Variants in SCG3 observed in about 807,000 individuals in gnomAD.
The protein encoded by SCG3 is secretogranin-3.
A neutral mutation model predicts 56.2 loss-of-function variants in SCG3; 38 were observed. That is an observed-to-expected ratio of 0.68 (90% CI 0.52 to 0.89). The LOEUF (loss-of-function observed/expected upper bound fraction) is 0.89, where lower values mean the gene tolerates loss of function less well. Among genes scored for constraint, SCG3 ranks in the 40% least tolerant of loss-of-function variants. The probability of loss-of-function intolerance (pLI) is 0.00; values close to 1 mark genes in which losing one functional copy is unlikely to be tolerated. For missense variants in SCG3, 524 were observed against 540.7 expected (o/e 0.97, Z 0.31); for synonymous variants, 176 against 184.2 (o/e 0.96, Z 0.36).
intron 11 of SCG3, among the ~76,000 whole-genome samples, chr15:51,717,799 T>C (rs1254786818): frequency 6.6e-6 from 1 of 152,198 alleles, no homozygotes; most frequent in Non-Finnish European, 1.5e-5. Context: ...CCCTGTCCTC[T>C]TGGGCCTTTC....
At chr15:51,712,632 T>G (rs1398936911) in intron 10 of SCG3, among the ~76,000 whole-genome samples, 2 of 152,168 alleles carry the variant, frequency 1.3e-5, no homozygotes, top group Admixed American at 6.5e-5. Context: ...GATGGTAATA[T>G]CCGCTTGCAG....
intron 11 of SCG3, among the ~76,000 whole-genome samples, chr15:51,718,541 C>A (rs1190135321): frequency 6.6e-6 from 1 of 152,140 alleles, no homozygotes; most frequent in Non-Finnish European, 1.5e-5. Context: ...TACCCACTCT[C>A]TCCTTTCTCT....
chr15:51,699,257 C>T (rs2622774), intron 8 of SCG3, 62 bp from the exon 9 acceptor site: 267,212 of 1,170,062 alleles, frequency 0.23, 35,296 homozygotes, highest in East Asian at 0.51. Flanking sequence ...AAACATTTTT[C>T]GTAAAAATTT....
intron 6 of SCG3, among the ~76,000 whole-genome samples, chr15:51,691,820 CT>C (rs2055268647): frequency 6.6e-6 from 1 of 152,130 alleles, no homozygotes. Context: ...AAGCTTCCCT[CT>C]TCATTAAAAG....
chr15:51,718,467 C>T (rs1469324198), intron 11 of SCG3, among the ~76,000 whole-genome samples: 1 of 152,094 alleles, frequency 6.6e-6, no homozygotes. Flanking sequence ...TTAAGGATAC[C>T]CAAGTGACCC....
intron 10 of SCG3, among the ~76,000 whole-genome samples, chr15:51,711,242 C>T (rs2055418806): frequency 6.6e-6 from 1 of 152,176 alleles, no homozygotes; most frequent in Admixed American, 6.5e-5. Flanking sequence ...AATGTTTGCC[C>T]CACGATGGCG....
At chr15:51,708,891 A>G (rs1474981195) in intron 10 of SCG3, among the ~76,000 whole-genome samples, 1 of 152,056 alleles carries the variant, frequency 6.6e-6, no homozygotes, top group East Asian at 1.9e-4. Flanking sequence ...CTTGTCAGCC[A>G]GTTTACCAAC....
intron 11 of SCG3, among the ~76,000 whole-genome samples, chr15:51,717,918 C>T (rs906411291): frequency 2.0e-5 from 3 of 152,178 alleles, no homozygotes; most frequent in Non-Finnish European, 4.4e-5. Flanking sequence ...TTCTTCTTGG[C>T]CTCTCTGTGC....
At chr15:51,704,465 T>A (rs925663691) in intron 10 of SCG3, among the ~76,000 whole-genome samples, 1 of 150,292 alleles carries the variant, frequency 6.7e-6, no homozygotes, top group Non-Finnish European at 1.5e-5. Context: ...TAAACAACAC[T>A]TTTCCATTCT....
chr15:51,683,013 C>A, intron 2 of SCG3, 66 bp from the exon 3 acceptor site: 1 of 1,272,658 alleles, frequency 7.9e-7, no homozygotes, highest in South Asian at 1.3e-5. Context: ...AATCATTTGG[C>A]TCTTGTACTT....
At chr15:51,702,495 G>T (rs575243843) in intron 10 of SCG3, among the ~76,000 whole-genome samples, 2 of 152,172 alleles carry the variant, frequency 1.3e-5, no homozygotes, top group Admixed American at 1.3e-4. Flanking sequence ...GACCTCAAGT[G>T]ATCCCCCCGC....
intron 2 of SCG3, 132 bp from the exon 3 acceptor site, chr15:51,682,947 T>G (rs2055204226): frequency 1.4e-6 from 1 of 691,652 alleles, no homozygotes; most frequent in Admixed American, 3.1e-5. Context: ...AACAGTGCTC[T>G]GAAATAGGAA....
At chr15:51,716,541 A>G (rs2055457099) in intron 11 of SCG3, among the ~76,000 whole-genome samples, 1 of 152,226 alleles carries the variant, frequency 6.6e-6, no homozygotes, top group African/African-American at 2.4e-5. Context: ...TACCTGAGCA[A>G]GTAACTTACC....
intron 9 of SCG3, among the ~76,000 whole-genome samples, chr15:51,700,586 A>C (rs961021223): frequency 6.6e-6 from 1 of 152,308 alleles, no homozygotes; most frequent in East Asian, 1.9e-4. Flanking sequence ...AAAGGAGCAG[A>C]AGGAGAGAAG....
Position 51,688,283 on chromosome 15 carries a change from C to A in SCG3, c.421C>A (p.Leu141Ile). ...AGATGATCCAGATGGTCTTCATCAA[C>A]TAGACGGGACTCCTTTAACCGCTGA... ...FQDDPDGLHQ[L>I]DGTPLTAEDI... The change falls in exon 5 of 12, where the codon CTA becomes ATA. Residue 141 changes from leucine (L) to isoleucine (I), a missense_variant. Coordinates refer to ENST00000220478, the MANE Select transcript of SCG3 (RefSeq NM_013243.4). 6.2e-7 allele frequency: 1 copy of A among 1,613,702 alleles called. No individual in the cohort carries two copies. The highest frequency in any genetic ancestry group is 8.5e-7 in the Non-Finnish European group (1 of 1,179,686).
rs946028540 is a variant in SCG3, at chr15:51,681,963, G to A, written c.82+126G>A. On this transcript the variant is annotated intron_variant, in intron 1 of 11. Transcript: ENST00000220478. ...CTGATCAAATCATATCCATGAATACGGACAGAGAAATCAGTTCGAATTTAG... is the reference window on the plus strand; with the variant it reads ...CTGATCAAATCATATCCATGAATACAGACAGAGAAATCAGTTCGAATTTAG... 1.1e-4 allele frequency: 74 copies of A among 688,338 alleles called. 1 individual carries two copies. In the South Asian group the frequency reaches 1.3e-3, roughly 12 times the overall value. 42.6% of individuals were successfully genotyped at this position (688,338 alleles called of 1,614,324 possible).
At chr15:51,703,587 C>A (rs1414204017) in intron 10 of SCG3, among the ~76,000 whole-genome samples, 1 of 152,170 alleles carries the variant, frequency 6.6e-6, no homozygotes, top group African/African-American at 2.4e-5. Flanking sequence ...TCTATACCCA[C>A]TCTGAATTTT....
chr15:51,704,639 G>A (rs560141333), intron 10 of SCG3, among the ~76,000 whole-genome samples: 1 of 151,090 alleles, frequency 6.6e-6, no homozygotes, highest in African/African-American at 2.4e-5. Flanking sequence ...TGTAGCAAGT[G>A]TCAGAATTTT....
intron 8 of SCG3, among the ~76,000 whole-genome samples, chr15:51,696,788 G>C (rs1433275033): frequency 6.6e-6 from 1 of 152,038 alleles, no homozygotes; most frequent in Non-Finnish European, 1.5e-5. Context: ...CACTATCGGA[G>C]GACAGCACCA....
Sources: gnomAD v4.1 joint callset for allele counts (sites outside exome capture counted in the v4.1 genomes callset) on GRCh38, gnomAD v4.1.1 for gene constraint, MANE v1.5 for transcripts, NCBI Gene and HGNC (gene_info 2026-07-23, HGNC 2026-07-21) for gene names.